ZC3HAV1: variants seen among roughly 807,000 people sequenced by gnomAD.
ZC3HAV1 encodes zinc finger CCCH-type containing, antiviral 1.
In ZC3HAV1, 41 loss-of-function variants were observed where a neutral mutation model predicts 86.6. The observed-to-expected ratio is 0.47, with a 90% CI of 0.37 to 0.61. ZC3HAV1 has a LOEUF of 0.61. Among genes scored for constraint, ZC3HAV1 ranks in the 20% least tolerant of loss-of-function variants. ZC3HAV1 has a pLI of 0.00. For missense variants in ZC3HAV1, 964 were observed against 1,141.1 expected (o/e 0.84, Z 2.24); for synonymous variants, 421 against 432.1 (o/e 0.97, Z 0.32).
Position 139,109,248 on chromosome 7 carries a change from C to T in ZC3HAV1, c.84G>A (p.Gln28=). ...GCTGCGGCTCAGACAGCGCGATCTCCTGGAGCAGCGCGTCCAGGGCCATGC... is the reference window on the plus strand; with the variant it reads ...GCTGCGGCTCAGACAGCGCGATCTCTTGGAGCAGCGCGTCCAGGGCCATGC... ...GGRMALDALL[Q]EIALSEPQLC... Residue 28 remains glutamine, a synonymous_variant, in exon 1 of 13, where the codon CAG becomes CAA. Coordinates refer to ENST00000242351, the MANE Select transcript of ZC3HAV1 (RefSeq NM_020119.4). The T allele has an allele frequency of 6.2e-7, 1 of 1,612,124 alleles. No individual in the cohort carries two copies. The highest frequency in any genetic ancestry group is 8.5e-7 in the Non-Finnish European group (1 of 1,179,456).
intron 1 of ZC3HAV1, among the ~76,000 whole-genome samples, chr7:139,103,007 T>C (rs1361632620): frequency 1.3e-5 from 2 of 150,012 alleles, no homozygotes; most frequent in Admixed American, 1.3e-4. Context: ...ATATATAAAA[T>C]AAAAACTTTA....
rs201429462 is a variant in ZC3HAV1, at chr7:139,047,807, C to A, written c.2496G>T (p.Pro832=). Residue 832 remains proline (P), a synonymous_variant, in exon 13 of 13, where the codon CCG becomes CCT. Transcript: ENST00000242351. ...KDAIYSHKNC[P]YDAKNVVMFV... Reference sequence around the variant, plus strand: ...ACATAACGACGTTTTTGGCATCATACGGGCAATTTTTGTGGGAATAGATGG... The same window carrying A: ...ACATAACGACGTTTTTGGCATCATAAGGGCAATTTTTGTGGGAATAGATGG... 3.7e-6 allele frequency: 6 copies of A among 1,613,592 alleles called. No homozygotes were observed. The African/African-American group carries it at 8.0e-5, about 22-fold the overall frequency.
Position 139,109,257 on chromosome 7 carries a change from C to A in ZC3HAV1, c.75G>T (p.Ala25=), listed in dbSNP as rs369498722. Residue 25 remains alanine (A), a synonymous_variant, in exon 1 of 13, where the codon GCG becomes GCT. Transcript: ENST00000242351. Reference sequence around the variant, plus strand: ...CAGACAGCGCGATCTCCTGGAGCAGCGCGTCCAGGGCCATGCGGCCCCCGT... The same window carrying A: ...CAGACAGCGCGATCTCCTGGAGCAGAGCGTCCAGGGCCATGCGGCCCCCGT... ...CAHGGRMALD[A]LLQEIALSEP... 3.6e-5 allele frequency: 58 copies of A among 1,612,186 alleles called. No individual in the cohort carries two copies. The African/African-American group carries it at 4.7e-4, about 13-fold the overall frequency.
chr7:139,106,543 G>A (rs1352398566), intron 1 of ZC3HAV1, among the ~76,000 whole-genome samples: 1 of 152,168 alleles, frequency 6.6e-6, no homozygotes, highest in Non-Finnish European at 1.5e-5. Flanking sequence ...GAACCTGGGA[G>A]GCAGAGTTTG....
Position 139,079,471 on chromosome 7 carries a change from G to A in ZC3HAV1, c.1470C>T (p.Asn490=), listed in dbSNP as rs769047637. ...DDADPRVALV[N]DSLSDVTSTT... ...AAAGTGTCTTCCCTTTGTATTTACC[G>A]TTAACAAGTGCTACTCTTGGGTCAG... The change falls in exon 4 of 13, where the codon AAC becomes AAT. Residue 490 remains asparagine (N), a splice_region_variant and synonymous_variant. Transcript: ENST00000242351. The A allele has an allele frequency of 6.3e-5, 101 of 1,613,890 alleles. No homozygotes were observed. The highest frequency in any genetic ancestry group is 2.3e-4 in the African/African-American group (17 of 74,874).
At chr7:139,089,184 A>T (rs1042702928) in intron 2 of ZC3HAV1, among the ~76,000 whole-genome samples, 12 of 151,432 alleles carry the variant, frequency 7.9e-5, no homozygotes, top group Admixed American at 5.9e-4. Context: ...CCTGACCTAG[A>T]TTATCAAGAG....
chr7:139,099,239 C>T (rs991329999), intron 1 of ZC3HAV1, among the ~76,000 whole-genome samples: 5 of 151,654 alleles, frequency 3.3e-5, no homozygotes, highest in Admixed American at 2.0e-4. Flanking sequence ...CAGGGTGCAC[C>T]CTTTTGTGTC....
chr7:139,084,867 T>C (rs1456917159), intron 2 of ZC3HAV1, among the ~76,000 whole-genome samples: 2 of 152,166 alleles, frequency 1.3e-5, no homozygotes, highest in Non-Finnish European at 2.9e-5. Flanking sequence ...TTTTAATGAG[T>C]CACTTCGATA....
chr7:139,097,338 G>A (rs1817618562), intron 1 of ZC3HAV1, among the ~76,000 whole-genome samples: 1 of 139,902 alleles, frequency 7.1e-6, no homozygotes. Flanking sequence ...CCAAAGCTAG[G>A]TAACTGCATC....
At chr7:139,096,940 C>T (rs945306117) in intron 1 of ZC3HAV1, among the ~76,000 whole-genome samples, 14 of 122,690 alleles carry the variant, frequency 1.1e-4, no homozygotes, top group East Asian at 2.7e-4. Context: ...CAAGACCAGC[C>T]GGGGCAACAT....
chr7:139,101,770 G>A (rs201719163), intron 1 of ZC3HAV1, among the ~76,000 whole-genome samples: 1 of 151,556 alleles, frequency 6.6e-6, no homozygotes, highest in East Asian at 2.0e-4. Flanking sequence ...GATTAAGGGC[G>A]GTGCAAGATG....
At position 139,079,871 on chromosome 7, in the gene ZC3HAV1, G is replaced by C. The variant is rs2130705995; in HGVS notation, c.1070C>G (p.Pro357Arg). ...TYLASNSTSA[P>R]NWKSLTSWTN... is the part of the protein sequence containing the mutation. ...CCAGGATGTGAGGCTCTTCCAGTTG[G>C]GGGCTGATGTTGAATTGGAAGCAAG... The change falls in exon 4 of 13, where the codon CCC becomes CGC. Residue 357 changes from proline (P) to arginine (R), a missense_variant. Physicochemically the swap from Pro to Arg is moderately radical, Grantham distance 103 (BLOSUM62 -2). Coordinates refer to ENST00000242351, the MANE Select transcript of ZC3HAV1 (RefSeq NM_020119.4). The C allele has an allele frequency of 6.2e-7, 1 of 1,614,150 alleles. No homozygotes were observed. The highest frequency in any genetic ancestry group is 1.1e-5 in the South Asian group (1 of 91,080).
At chr7:139,075,227 T>G (rs1453279505) in intron 6 of ZC3HAV1, among the ~76,000 whole-genome samples, 1 of 152,162 alleles carries the variant, frequency 6.6e-6, no homozygotes, top group African/African-American at 2.4e-5. Flanking sequence ...AGAAAGTAGC[T>G]CATGTCGCCC....
At chr7:139,060,978 G>T in intron 9 of ZC3HAV1, 58 bp downstream of exon 9, 1 of 1,610,036 alleles carries the variant, frequency 6.2e-7, no homozygotes. Context: ...GACTTGATGA[G>T]CCCAGGGCAT....
At position 139,045,338 on chromosome 7, in the gene ZC3HAV1, G is replaced by A. The variant is rs1815925646; in HGVS notation, c.*2256C>T. 6.6e-6 allele frequency: 1 copy of A among 152,178 alleles called. No homozygotes were observed. Among genetic ancestry groups the A allele is most frequent in the Admixed American group, 6.5e-5 (1 of 15,272 alleles). The allele number at this position is 152,178 out of a possible 1,614,324, so 9.4% of individuals were successfully genotyped here. Reference sequence around the variant, plus strand: ...CTTGCGCAGAAGAAACTAAATGATAGAGGGGTAGGGGAGGGAGAGATCACA... The same window carrying A: ...CTTGCGCAGAAGAAACTAAATGATAAAGGGGTAGGGGAGGGAGAGATCACA... On this transcript the variant is annotated 3_prime_UTR_variant, in exon 13 of 13. Transcript: ENST00000242351.
At chr7:139,088,550 T>G (rs1817342330) in intron 2 of ZC3HAV1, among the ~76,000 whole-genome samples, 1 of 152,160 alleles carries the variant, frequency 6.6e-6, no homozygotes, top group South Asian at 2.1e-4. Context: ...GAAGCCACAT[T>G]TTGAAGATAA....
chr7:139,078,709 A>ATGTTT, intron 4 of ZC3HAV1, 56 bp from the exon 5 acceptor site: 1 of 1,288,098 alleles, frequency 7.8e-7, no homozygotes, highest in South Asian at 1.4e-5. Context: ...ACCAAAAATC[A>ATGTTT]AAGCACTTGG....
At chr7:139,097,428 A>ATTTTTTTTTTTTTTTTTTTT (rs11291842) in intron 1 of ZC3HAV1, among the ~76,000 whole-genome samples, 3 of 48,158 alleles carry the variant, frequency 6.2e-5, no homozygotes, top group African/African-American at 1.1e-4. Flanking sequence ...ATATATATAT[A>ATTTTTTTTTTTTTTTTTTTT]TTTTTTTTTT....
intron 2 of ZC3HAV1, among the ~76,000 whole-genome samples, chr7:139,088,644 T>G (rs1248462844): frequency 6.6e-6 from 1 of 152,220 alleles, no homozygotes; most frequent in Non-Finnish European, 1.5e-5. Flanking sequence ...CCTGTCCATA[T>G]GCAGGAAAGA....
Sources: gnomAD v4.1 joint callset for allele counts (sites outside exome capture counted in the v4.1 genomes callset) on GRCh38, gnomAD v4.1.1 for gene constraint, MANE v1.5 for transcripts, NCBI Gene and HGNC (gene_info 2026-07-23, HGNC 2026-07-21) for gene names.